MECOM: variants seen among roughly 807,000 people sequenced by gnomAD.
The protein encoded by MECOM is histone-lysine N-methyltransferase MECOM.
A neutral mutation model predicts 116.3 loss-of-function variants in MECOM; 13 were observed. The ratio of observed to expected loss-of-function variants is 0.11; its 90% CI spans 0.07 to 0.18. MECOM has a LOEUF of 0.18. Ranked by LOEUF, MECOM falls within the 10% of genes least tolerant of loss-of-function variation. The pLI is 1.00. For synonymous variants in MECOM, 528 were observed against 535.2 expected (o/e 0.99, Z 0.19); for missense variants, 1,299 against 1,509.0 (o/e 0.86, Z 2.31).
Position 169,148,026 on chromosome 3 carries a change from AT to A in MECOM, c.376-4195del, listed in dbSNP as rs544875303. Among the ~76,000 whole-genome samples the A allele has an allele frequency of 3.8e-3, 586 of 152,216 alleles. 5 individuals are homozygous for A. Among genetic ancestry groups the A allele is most frequent in the African/African-American group, 0.013 (552 of 41,546 alleles). On this transcript the variant is annotated intron_variant, in intron 2 of 16. Transcript: ENST00000651503. ...AGTTTTCTGCTAAGCATTAAAAAAA[AT>A]TTTTTTAATTGAAACTCATACTCTA...
At chr3:169,171,511 A>T (rs1358692763) in intron 2 of MECOM, among the ~76,000 whole-genome samples, 1 of 152,186 alleles carries the variant, frequency 6.6e-6, no homozygotes, top group East Asian at 1.9e-4. Context: ...GCTCTTTAAC[A>T]TTTATACCAT....
chr3:169,527,121 C>T (rs911402151), intron 1 of MECOM, among the ~76,000 whole-genome samples: 9 of 152,154 alleles, frequency 5.9e-5, no homozygotes, highest in Non-Finnish European at 1.2e-4. Flanking sequence ...AATGGAAAAC[C>T]TTCTCAAAAC....
chr3:169,622,421 A>C (rs59796915), intron 1 of MECOM, among the ~76,000 whole-genome samples: 13,104 of 152,210 alleles, frequency 0.086, 674 homozygotes, highest in African/African-American at 0.12. Context: ...TTTTTAAACG[A>C]AAGGAGTTAG....
rs1031708926 is a variant in MECOM, at chr3:169,378,536, A to G, written c.375+2651T>C. On this transcript the variant is annotated intron_variant, in intron 2 of 16. Transcript: ENST00000651503. ...AAGAAAAGAAAGAAAGAAAGAAAGAAAGAAAGAAAGAAAGAAAGAAAGAAA... is the reference window on the plus strand; with the variant it reads ...AAGAAAAGAAAGAAAGAAAGAAAGAGAGAAAGAAAGAAAGAAAGAAAGAAA... Among the ~76,000 whole-genome samples the G allele has an allele frequency of 4.7e-4, 52 of 110,966 alleles. 6 individuals are homozygous for G. Among genetic ancestry groups the G allele is most frequent in the Non-Finnish European group, 7.0e-4 (38 of 54,198 alleles). The allele number at this position is 110,966 out of a possible 152,430, so 72.8% of individuals were successfully genotyped here. A position where few individuals can be genotyped will look rare whatever the true frequency, so the allele number is the denominator to read the frequency against.
At chr3:169,388,589 T>C (rs1733750382) in intron 1 of MECOM, among the ~76,000 whole-genome samples, 2 of 152,160 alleles carry the variant, frequency 1.3e-5, no homozygotes, top group African/African-American at 4.8e-5. Context: ...GTAGCAAGGG[T>C]GCAGAATTAC....
intron 2 of MECOM, among the ~76,000 whole-genome samples, chr3:169,285,076 A>G (rs537349982): frequency 6.6e-6 from 1 of 152,288 alleles, no homozygotes; most frequent in South Asian, 2.1e-4. Flanking sequence ...GTGTAAAGTT[A>G]TAAAAGCCTT....
At chr3:169,120,900 A>G (rs1730805984) in intron 7 of MECOM, 156 bp downstream of exon 7, 1 of 644,808 alleles carries the variant, frequency 1.6e-6, no homozygotes, top group Non-Finnish European at 2.3e-6. Context: ...TGATTATAAA[A>G]GATTTACTTG....
chr3:169,376,955 C>T (rs1246693467), intron 2 of MECOM, among the ~76,000 whole-genome samples: 1 of 152,182 alleles, frequency 6.6e-6, no homozygotes, highest in East Asian at 1.9e-4. Flanking sequence ...ACCAAAACAG[C>T]ATGGTACTGG....
At chr3:169,362,714 C>A (rs577765344) in intron 2 of MECOM, among the ~76,000 whole-genome samples, 1 of 151,952 alleles carries the variant, frequency 6.6e-6, no homozygotes, top group Non-Finnish European at 1.5e-5. Context: ...CAAAGAGAGA[C>A]ACAAGAGTCA....
intron 2 of MECOM, among the ~76,000 whole-genome samples, chr3:169,152,464 A>G (rs1741320832): frequency 6.6e-6 from 1 of 152,164 alleles, no homozygotes; most frequent in South Asian, 2.1e-4. Flanking sequence ...AGGTCAGGGC[A>G]CCTAACAGCT....
At chr3:169,518,152 G>GCA (rs1190632099) in intron 1 of MECOM, among the ~76,000 whole-genome samples, 6 of 152,174 alleles carry the variant, frequency 3.9e-5, no homozygotes, top group Non-Finnish European at 8.8e-5. Context: ...CCAGCTACTT[G>GCA]GGAGGCTGAG....
intron 4 of MECOM, among the ~76,000 whole-genome samples, chr3:169,130,240 G>A (rs923893623): frequency 6.6e-6 from 1 of 151,982 alleles, no homozygotes; most frequent in African/African-American, 2.4e-5. Flanking sequence ...ACCTTTTTAG[G>A]TCTAACATTT....
In MECOM at chr3:169,146,317, C is replaced by T. The variant is rs1389985328; in HGVS notation, c.376-2485G>A. The T allele has an allele frequency of 3.9e-6, 5 of 1,281,248 alleles. No individual in the cohort carries two copies. The Admixed American group carries it at 1.1e-4, about 29-fold the overall frequency. 79.4% of individuals were successfully genotyped at this position (1,281,248 alleles called of 1,614,324 possible). ...GTTACTTGGCAAGGTGGAACTCGGC[C>T]GAGAGCGGCTCCAAAGTCGCGTGGC... On this transcript the variant is annotated intron_variant, in intron 2 of 16. Transcript: ENST00000651503.
intron 1 of MECOM, among the ~76,000 whole-genome samples, chr3:169,477,531 A>C (rs1375051752): frequency 6.6e-6 from 1 of 152,138 alleles, no homozygotes; most frequent in East Asian, 1.9e-4. Context: ...TTTGGCCAAG[A>C]GCACTTCTCT....
chr3:169,267,587 A>G (rs1758466455), intron 2 of MECOM, among the ~76,000 whole-genome samples: 1 of 152,160 alleles, frequency 6.6e-6, no homozygotes, highest in Non-Finnish European at 1.5e-5. Context: ...GGGATGGAAC[A>G]TTAGCCTATG....
chr3:169,270,884 T>A (rs1758859917), intron 2 of MECOM, among the ~76,000 whole-genome samples: 1 of 152,212 alleles, frequency 6.6e-6, no homozygotes, highest in Non-Finnish European at 1.5e-5. Context: ...AGAAAAGTGA[T>A]TAGCAGAGCC....
intron 2 of MECOM, among the ~76,000 whole-genome samples, chr3:169,249,312 C>T (rs1755967222): frequency 6.6e-6 from 1 of 152,190 alleles, no homozygotes; most frequent in African/African-American, 2.4e-5. Context: ...GACTTGACAT[C>T]TAGTGCCACA....
intron 1 of MECOM, among the ~76,000 whole-genome samples, chr3:169,421,383 T>TTGCTGTGCTGTTCTAAATGACATTTTTCC (rs1739703093): frequency 4.6e-5 from 7 of 152,178 alleles, no homozygotes; most frequent in Admixed American, 4.6e-4. Flanking sequence ...TACTTCTAGA[T>TTGCTGTGCTGTTCTAAATGACATTTTTCC]TGCTGTGCTG....
At chr3:169,149,012 AAGAGCTCCTGG>A (rs905147607) in intron 2 of MECOM, among the ~76,000 whole-genome samples, 3 of 151,518 alleles carry the variant, frequency 2.0e-5, no homozygotes, top group African/African-American at 7.3e-5. Flanking sequence ...GAGAACCTTT[AAGAGCTCCTGG>A]TTCGTGGCCA....
Sources: allele counts gnomAD v4.1 joint callset (sites outside exome capture counted in the v4.1 genomes callset), GRCh38; gene constraint gnomAD v4.1.1; transcripts MANE v1.5; gene names NCBI Gene and HGNC (gene_info 2026-07-23, HGNC 2026-07-21).